The following TLN2 variants were observed in gnomAD, a reference collection of about 807,000 sequenced individuals.
TLN2 encodes the protein talin-2.
TLN2 carries 118 observed loss-of-function variants against 294.7 expected under a neutral mutation model. That is an observed-to-expected ratio of 0.40 (90% CI 0.34 to 0.47). TLN2 has a LOEUF of 0.47. TLN2 is among the 20% of genes least tolerant of loss of function. The probability of loss-of-function intolerance (pLI) is 0.84; values close to 1 mark genes in which losing one functional copy is unlikely to be tolerated. For synonymous variants in TLN2, 1,431 were observed against 1,304.5 expected (o/e 1.10, Z -2.09); for missense variants, 3,083 against 3,282.2 (o/e 0.94, Z 1.48).
At chr15:62,406,725 A>G (rs1194785841) in intron 1 of TLN2, among the ~76,000 whole-genome samples, 1 of 152,054 alleles carries the variant, frequency 6.6e-6, no homozygotes, top group Admixed American at 6.6e-5. Context: ...AGTTGCTTTC[A>G]CCCTGGCTGT....
intron 33 of TLN2, among the ~76,000 whole-genome samples, chr15:62,750,073 C>G (rs746946193): frequency 5.3e-5 from 8 of 152,196 alleles, no homozygotes; most frequent in African/African-American, 1.9e-4. Context: ...TAATTGACCA[C>G]GCATGTATTG....
At chr15:62,786,670 G>GCGC (rs201377962) in intron 45 of TLN2, among the ~76,000 whole-genome samples, 21,794 of 152,170 alleles carry the variant, frequency 0.14, 1,592 homozygotes, top group East Asian at 0.19. Context: ...CATTTGTTAA[G>GCGC]ATGATTTGTG....
chr15:62,398,077 C>T (rs1328874947), intron 1 of TLN2, among the ~76,000 whole-genome samples: 1 of 152,154 alleles, frequency 6.6e-6, no homozygotes, highest in African/African-American at 2.4e-5. Flanking sequence ...TGGCTGTGTA[C>T]CCATGCAGAA....
intron 8 of TLN2, among the ~76,000 whole-genome samples, chr15:62,657,160 G>GC (rs1352566774): frequency 6.7e-6 from 1 of 150,222 alleles, no homozygotes; most frequent in African/African-American, 2.4e-5. Context: ...AGGTGGGGGG[G>GC]GGAAGCAACA....
chr15:62,838,055 TACAGGC>T (rs774171789), intron 57 of TLN2: 2 of 152,098 alleles, frequency 1.3e-5, no homozygotes, highest in Non-Finnish European at 2.9e-5. Flanking sequence ...AATAAGCCAA[TACAGGC>T]AATAGCCCTT....
At chr15:62,480,185 A>G (rs935941690) in intron 1 of TLN2, among the ~76,000 whole-genome samples, 18 of 152,122 alleles carry the variant, frequency 1.2e-4, no homozygotes, top group African/African-American at 3.4e-4. Flanking sequence ...GCTCCTTCCT[A>G]TAACAGATTT....
rs1446897400 is a variant in TLN2 at position 62,740,040 on chromosome 15, G to GT, written c.3885+501dup. ...ATCTGGTGTCAGCTTGCAGAGCTGT[G>GT]TTTTTTGTTTTTTTTTTTTTTTCTG... On this transcript the variant is annotated intron_variant, in intron 31 of 58. Transcript: ENST00000636159. Among the ~76,000 whole-genome samples the GT allele has an allele frequency of 2.5e-3, 328 of 131,842 alleles. 2 individuals carry two copies. Among genetic ancestry groups the GT allele is most frequent in the African/African-American group, 7.7e-3 (265 of 34,356 alleles). 86.5% of individuals were successfully genotyped at this position (131,842 alleles called of 152,430 possible). A position where few individuals can be genotyped will look rare whatever the true frequency, so the allele number is the denominator to read the frequency against.
At chr15:62,524,415 T>C (rs2040624574) in intron 1 of TLN2, among the ~76,000 whole-genome samples, 1 of 152,156 alleles carries the variant, frequency 6.6e-6, no homozygotes, top group Admixed American at 6.5e-5. Flanking sequence ...AATTTAGGCA[T>C]GGACCTGCCT....
At chr15:62,721,500 A>G (rs927576838) in intron 25 of TLN2, among the ~76,000 whole-genome samples, 8 of 152,072 alleles carry the variant, frequency 5.3e-5, no homozygotes, top group Admixed American at 3.3e-4. Flanking sequence ...GCTTTTATAA[A>G]TATTCATTAA....
Position 62,771,980 on chromosome 15 carries a change from A to C in TLN2, c.5367+846A>C, listed in dbSNP as rs555329642. Among the ~76,000 whole-genome samples the C allele has an allele frequency of 8.5e-5, 13 of 152,078 alleles. No individual in the cohort carries two copies. The South Asian group carries it at 2.7e-3, about 32-fold the overall frequency. On this transcript the variant is annotated intron_variant, in intron 42 of 58. Coordinates refer to ENST00000636159, the MANE Select transcript of TLN2 (RefSeq NM_015059.3). Reference sequence around the variant, plus strand: ...TTTCCTTTTCTTTTCTTTTTTTGAGATCATGTCTTACTGTATTGCCCAGGC... The same window carrying C: ...TTTCCTTTTCTTTTCTTTTTTTGAGCTCATGTCTTACTGTATTGCCCAGGC...
At chr15:62,566,245 A>G (rs914079041) in intron 1 of TLN2, among the ~76,000 whole-genome samples, 6 of 152,150 alleles carry the variant, frequency 3.9e-5, no homozygotes, top group African/African-American at 1.2e-4. Context: ...AGAAGGCTAC[A>G]GATGAGCGGG....
In TLN2 at chr15:62,673,884, C is replaced by T. The variant is rs146449510; in HGVS notation, c.846C>T (p.Ile282=). The T allele has an allele frequency of 2.9e-4, 473 of 1,612,446 alleles. No homozygotes were observed. Among genetic ancestry groups the T allele is most frequent in the Non-Finnish European group, 3.7e-4 (431 of 1,178,880 alleles). ...YIKQRGAEKR[I]FQEHKNCGEM... Reference sequence around the variant, plus strand: ...AGCAGAGAGGAGCTGAAAAGAGGATCTTTCAGGTATTGGAAATGTACAGAA... The same window carrying T: ...AGCAGAGAGGAGCTGAAAAGAGGATTTTTCAGGTATTGGAAATGTACAGAA... Residue 282 remains isoleucine, a synonymous_variant, in exon 10 of 59, where the codon ATC becomes ATT. Coordinates refer to ENST00000636159, the MANE Select transcript of TLN2 (RefSeq NM_015059.3).
intron 41 of TLN2, among the ~76,000 whole-genome samples, chr15:62,768,405 C>T (rs865936656): frequency 2.0e-5 from 3 of 152,148 alleles, no homozygotes; most frequent in Middle Eastern, 3.2e-3. Context: ...ACCTGCTCTT[C>T]GGTGTCTCTT....
intron 2 of TLN2, among the ~76,000 whole-genome samples, chr15:62,592,474 A>G (rs2046158290): frequency 6.6e-6 from 1 of 152,228 alleles, no homozygotes; most frequent in Non-Finnish European, 1.5e-5. Context: ...TTTTTAGGAA[A>G]AAGCTGTATT....
At chr15:62,738,402 C>T (rs374289412) in intron 30 of TLN2, 69 bp downstream of exon 30, 3 of 1,545,016 alleles carry the variant, frequency 1.9e-6, no homozygotes, top group East Asian at 2.3e-5. Context: ...GTGAAGTCTT[C>T]TTCTCTCCAT....
At chr15:62,561,542 C>G (rs1251713776) in intron 1 of TLN2, 1 of 152,280 alleles carries the variant, frequency 6.6e-6, no homozygotes. Context: ...CTCCGCCCTT[C>G]TCTTGCATTA....
At chr15:62,525,643 C>G (rs1478752135) in intron 1 of TLN2, among the ~76,000 whole-genome samples, 1 of 152,224 alleles carries the variant, frequency 6.6e-6, no homozygotes, top group Non-Finnish European at 1.5e-5. Context: ...TTGGTTTCCT[C>G]CACTTTGTTC....
intron 3 of TLN2, among the ~76,000 whole-genome samples, chr15:62,641,322 A>T (rs1169115898): frequency 6.6e-6 from 1 of 152,194 alleles, no homozygotes; most frequent in African/African-American, 2.4e-5. Flanking sequence ...TATTAATAAT[A>T]ATAACAAGCC....
intron 36 of TLN2, chr15:62,755,213 C>CGCCGTA: frequency 4.5e-6 from 1 of 223,328 alleles, no homozygotes; most frequent in Admixed American, 5.6e-5. Flanking sequence ...AGACCTTGGT[C>CGCCGTA]TAGATGCTAT....
Sources: gnomAD v4.1 joint callset for allele counts (sites outside exome capture counted in the v4.1 genomes callset) on GRCh38, gnomAD v4.1.1 for gene constraint, MANE v1.5 for transcripts, NCBI Gene and HGNC (gene_info 2026-07-23, HGNC 2026-07-21) for gene names.